The following RAP1GAP2 variants were observed in gnomAD, a reference collection of about 807,000 sequenced individuals.
The protein encoded by RAP1GAP2 is rap1 GTPase-activating protein 2.
A neutral mutation model predicts 95.0 loss-of-function variants in RAP1GAP2; 27 were observed. The observed-to-expected ratio is 0.28, with a 90% CI of 0.21 to 0.39. The LOEUF is 0.39. Among genes scored for constraint, RAP1GAP2 ranks in the 10% least tolerant of loss-of-function variants. The pLI is 1.00. For missense variants in RAP1GAP2, 771 were observed against 970.0 expected (o/e 0.79, Z 2.72); for synonymous variants, 373 against 380.9 (o/e 0.98, Z 0.24).
At chr17:2,957,890 C>A in intron 4 of RAP1GAP2, 96 bp downstream of exon 4, 2 of 1,295,126 alleles carry the variant, frequency 1.5e-6, no homozygotes, top group Non-Finnish European at 1.0e-6. Flanking sequence ...AGCCGGGTGC[C>A]CTGGACGGGG....
At position 2,970,021 on chromosome 17, in the gene RAP1GAP2, C is replaced by T. The variant is rs185075616; in HGVS notation, c.596+4378C>T. 2.8e-3 allele frequency among the ~76,000 whole-genome samples: 426 copies of T among 151,954 alleles called. 16 individuals are homozygous for T. Among genetic ancestry groups the T allele is most frequent in the Admixed American group, 0.024 (367 of 15,250 alleles). ...GGGCATCGTGGTTCACGCCTGTAAT[C>T]TCAGCACTTTGGGAGGCCAAAGCAG... On this transcript the variant is annotated intron_variant, in intron 8 of 24. Coordinates refer to ENST00000254695, the MANE Select transcript of RAP1GAP2 (RefSeq NM_015085.5).
Position 2,991,416 on chromosome 17 carries a change from A to G in RAP1GAP2, c.914+19A>G, listed in dbSNP as rs762398960. The stretch of plus-strand genomic sequence containing the variant: ...TCAAAGGGTGGGTTTTAGCCAAGTG[A>G]CGGCTCCAGCTCCATCAACAAGGGC... On this transcript the variant is annotated intron_variant, in intron 12 of 24. Coordinates refer to ENST00000254695, the MANE Select transcript of RAP1GAP2 (RefSeq NM_015085.5). 6 of 1,556,354 alleles carry G rather than the reference A, an allele frequency of 3.9e-6. No homozygotes were observed. The highest frequency in any genetic ancestry group is 5.3e-6 in the Non-Finnish European group (6 of 1,139,990).
chr17:2,880,532 G>A (rs1026068992), intron 2 of RAP1GAP2, among the ~76,000 whole-genome samples: 3 of 149,036 alleles, frequency 2.0e-5, no homozygotes, highest in Non-Finnish European at 4.4e-5. Context: ...ATACGGTTCC[G>A]TGGCATCAAG....
chr17:2,987,489 G>C (rs2045595819), intron 11 of RAP1GAP2, among the ~76,000 whole-genome samples: 1 of 151,910 alleles, frequency 6.6e-6, no homozygotes, highest in Non-Finnish European at 1.5e-5. Context: ...GCTCCCTCGA[G>C]CAGCTGGGAT....
intron 4 of RAP1GAP2, among the ~76,000 whole-genome samples, chr17:2,961,496 T>C (rs2044323703): frequency 6.6e-6 from 1 of 151,922 alleles, no homozygotes; most frequent in Non-Finnish European, 1.5e-5. Context: ...GCCTGGGCAA[T>C]AGAGAGAGAC....
chr17:2,868,156 G>A (rs2072691902), intron 2 of RAP1GAP2, among the ~76,000 whole-genome samples: 1 of 152,092 alleles, frequency 6.6e-6, no homozygotes, highest in African/African-American at 2.4e-5. Context: ...CAGCAGGTCC[G>A]GATTCCTTGA....
intron 2 of RAP1GAP2, among the ~76,000 whole-genome samples, chr17:2,840,871 G>A (rs1349523673): frequency 6.6e-6 from 1 of 152,166 alleles, no homozygotes; most frequent in Admixed American, 6.5e-5. Flanking sequence ...GGTGGCCTGG[G>A]CCTGTAGTCC....
At chr17:2,755,928 C>A (rs1367440384) in intron 1 of RAP1GAP2, among the ~76,000 whole-genome samples, 1 of 152,008 alleles carries the variant, frequency 6.6e-6, no homozygotes, top group Non-Finnish European at 1.5e-5. Flanking sequence ...CCCACCACCC[C>A]CTCCGGTCCC....
intron 11 of RAP1GAP2, among the ~76,000 whole-genome samples, chr17:2,990,358 A>G (rs923949108): frequency 1.3e-5 from 2 of 152,210 alleles, no homozygotes; most frequent in African/African-American, 4.8e-5. Flanking sequence ...CCTTTGGCAC[A>G]TGCCCGGGAG....
At chr17:2,785,400 G>GC (rs1597302350) in intron 1 of RAP1GAP2, among the ~76,000 whole-genome samples, 1 of 140,110 alleles carries the variant, frequency 7.1e-6, no homozygotes, top group East Asian at 2.5e-4. Flanking sequence ...GCAAAAAGTT[G>GC]GAAAAAAAAA....
In RAP1GAP2 at chr17:2,981,139, C is replaced by A. The variant is rs934787797; in HGVS notation, c.676-56C>A. 1.2e-5 allele frequency: 19 copies of A among 1,526,154 alleles called. No individual in the cohort carries two copies. The Middle Eastern group carries it at 6.8e-4, about 54-fold the overall frequency. 94.5% of individuals were successfully genotyped at this position (1,526,154 alleles called of 1,614,324 possible). On this transcript the variant is annotated intron_variant, in intron 9 of 24. Transcript: ENST00000254695. Reference sequence around the variant, plus strand: ...CGCATTGTCCAGGTGGGCAGAGGAGCCCAGATGTCCTCTACAGATATCATC... The same window carrying A: ...CGCATTGTCCAGGTGGGCAGAGGAGACCAGATGTCCTCTACAGATATCATC...
intron 2 of RAP1GAP2, among the ~76,000 whole-genome samples, chr17:2,896,716 G>T (rs553005060): frequency 1.3e-5 from 2 of 152,218 alleles, no homozygotes; most frequent in African/African-American, 2.4e-5. Context: ...TGGTCTGCCC[G>T]TAGGGTCCTG....
chr17:2,889,412 G>A (rs1265603505), intron 2 of RAP1GAP2, among the ~76,000 whole-genome samples: 3 of 152,200 alleles, frequency 2.0e-5, no homozygotes, highest in African/African-American at 7.2e-5. Flanking sequence ...AGCCCAGCCA[G>A]AGGCCTCTGT....
At chr17:2,767,984 G>A (rs756319423) in intron 1 of RAP1GAP2, among the ~76,000 whole-genome samples, 5 of 152,060 alleles carry the variant, frequency 3.3e-5, no homozygotes, top group Admixed American at 2.0e-4. Context: ...CATCTGCCTC[G>A]GCCTCCCAAA....
chr17:2,955,490 T>G (rs1319410445), intron 3 of RAP1GAP2, among the ~76,000 whole-genome samples: 1 of 152,200 alleles, frequency 6.6e-6, no homozygotes, highest in Non-Finnish European at 1.5e-5. Flanking sequence ...TCTGACTGAG[T>G]TGTAAGAGTT....
In RAP1GAP2 at chr17:2,963,584, C is replaced by G; in HGVS notation, c.279+122C>G. On this transcript the variant is annotated intron_variant, in intron 6 of 24. Coordinates refer to ENST00000254695, the MANE Select transcript of RAP1GAP2 (RefSeq NM_015085.5). The surrounding 1 kb of genome is among the most constrained non-coding windows in gnomAD (Gnocchi z 4.8). ...GGAGAGAACCTTGGGCCTGGGACCT[C>G]TCTTCCTGTCTTTGCCTTTGTAACC... is the stretch of plus-strand genomic sequence containing the variant. 1 of 1,305,364 alleles carries G rather than the reference C, an allele frequency of 7.7e-7. No individual in the cohort carries two copies. The highest frequency in any genetic ancestry group is 1.1e-6 in the Non-Finnish European group (1 of 913,980). The allele number at this position is 1,305,364 out of a possible 1,614,324, so 80.9% of individuals were successfully genotyped here.
At chr17:2,947,329 C>A (rs2043734521) in intron 3 of RAP1GAP2, among the ~76,000 whole-genome samples, 1 of 152,036 alleles carries the variant, frequency 6.6e-6, no homozygotes, top group African/African-American at 2.4e-5. Flanking sequence ...ATTGGGAGCA[C>A]CCACTGGGCA....
intron 2 of RAP1GAP2, among the ~76,000 whole-genome samples, chr17:2,838,523 G>A (rs189751450): frequency 1.9e-4 from 29 of 152,286 alleles, no homozygotes; most frequent in Admixed American, 1.9e-3. Flanking sequence ...GACCTGTACT[G>A]GGTTGTTGAC....
At chr17:2,878,481 G>A (rs887181558) in intron 2 of RAP1GAP2, among the ~76,000 whole-genome samples, 2 of 152,136 alleles carry the variant, frequency 1.3e-5, no homozygotes, top group African/African-American at 4.8e-5. Flanking sequence ...TCTGTATGCC[G>A]TATCGCTGAC....
Sources: gnomAD v4.1 joint callset for allele counts (sites outside exome capture counted in the v4.1 genomes callset) on GRCh38, gnomAD v4.1.1 for gene constraint, Gnocchi (gnomAD v3.1) non-coding constraint, MANE v1.5 for transcripts, NCBI Gene and HGNC (gene_info 2026-07-23, HGNC 2026-07-21) for gene names.